Variants in CLIC5 observed in about 807,000 individuals in gnomAD.
CLIC5 encodes the protein chloride intracellular channel protein 5.
In CLIC5, 20 loss-of-function variants were observed where a neutral mutation model predicts 24.7. That is an observed-to-expected ratio of 0.81 (90% confidence interval 0.57 to 1.18). CLIC5 has a LOEUF of 1.18. CLIC5 is among the 50% of genes most tolerant of loss of function. The pLI is 0.00. For missense variants in CLIC5, 341 were observed against 326.1 expected (o/e 1.05, Z -0.35); for synonymous variants, 159 against 135.6 (o/e 1.17, Z -1.20).
At chr6:46,032,646 A>C (rs1767536767) in intron 1 of CLIC5, among the ~76,000 whole-genome samples, 1 of 152,124 alleles carries the variant, frequency 6.6e-6, no homozygotes, top group Non-Finnish European at 1.5e-5. Context: ...TGGGAAGTGA[A>C]TTTCCTCATC....
intron 1 of CLIC5, among the ~76,000 whole-genome samples, chr6:46,035,937 G>A (rs1044225961): frequency 6.6e-6 from 1 of 151,890 alleles, no homozygotes; most frequent in Non-Finnish European, 1.5e-5. Flanking sequence ...AGTAGAGATG[G>A]GGTTTCACCA....
intron 4 of CLIC5, among the ~76,000 whole-genome samples, chr6:45,922,645 G>T (rs1763308396): frequency 6.6e-6 from 1 of 152,058 alleles, no homozygotes; most frequent in South Asian, 2.1e-4. Flanking sequence ...ATGAAGGGAG[G>T]TAGGGACTCC....
chr6:46,025,646 C>G (rs549627479), intron 1 of CLIC5, among the ~76,000 whole-genome samples: 20 of 152,184 alleles, frequency 1.3e-4, no homozygotes, highest in African/African-American at 4.6e-4. Flanking sequence ...CTGAATCATT[C>G]AAAAAAGGAA....
At chr6:45,881,481 G>C (rs1375097905) in intron 6 of CLIC5, among the ~76,000 whole-genome samples, 2 of 152,104 alleles carry the variant, frequency 1.3e-5, no homozygotes, top group African/African-American at 4.8e-5. Context: ...GGTGATGAGT[G>C]GGGAGGGCCT....
At chr6:45,990,222 A>G (rs536802385) in intron 1 of CLIC5, among the ~76,000 whole-genome samples, 3 of 152,228 alleles carry the variant, frequency 2.0e-5, no homozygotes, top group African/African-American at 4.8e-5. Flanking sequence ...GACTTTTTGC[A>G]CTCATCTGAA....
intron 1 of CLIC5, among the ~76,000 whole-genome samples, chr6:46,076,819 G>A (rs528884794): frequency 7.9e-5 from 12 of 151,894 alleles, no homozygotes; most frequent in Non-Finnish European, 7.4e-5. Context: ...TTTATCAGTT[G>A]TCTCTCCCAC....
rs574516797 is a variant in CLIC5, at chr6:45,993,439, G to A, written c.63+22041C>T. On this transcript the variant is annotated intron_variant, in intron 1 of 5. Coordinates refer to ENST00000339561, the MANE Select transcript of CLIC5 (RefSeq NM_016929.5). ...CTCGAAATGCTTAGCTTTACAAAAAGAGTTGTAGGAAATGTGGAAGTAAAG... is the reference window on the plus strand; with the variant it reads ...CTCGAAATGCTTAGCTTTACAAAAAAAGTTGTAGGAAATGTGGAAGTAAAG... Among the ~76,000 whole-genome samples the A allele has an allele frequency of 3.3e-5, 5 of 152,292 alleles. No homozygotes were observed. In the East Asian group the frequency reaches 9.6e-4, roughly 29 times the overall value.
At chr6:46,036,801 A>G (rs1767675610) in intron 1 of CLIC5, among the ~76,000 whole-genome samples, 1 of 152,184 alleles carries the variant, frequency 6.6e-6, no homozygotes, top group Non-Finnish European at 1.5e-5. Context: ...CATACTTTAT[A>G]TGTTTTGTAG....
At chr6:46,089,493 G>T in the CLIC5 span, among the ~76,000 whole-genome samples, 1 of 152,128 alleles carries the variant, frequency 6.6e-6, no homozygotes, top group Non-Finnish European at 1.5e-5. Context: ...TCTCAGAAAT[G>T]TTAACTATCA....
intron 1 of CLIC5, among the ~76,000 whole-genome samples, chr6:46,044,078 C>T (rs574389903): frequency 1.3e-5 from 2 of 152,208 alleles, no homozygotes; most frequent in South Asian, 2.1e-4. Context: ...TATCTACCTG[C>T]GGAGCTGCCC....
At chr6:45,918,994 C>T (rs1276266447) in intron 4 of CLIC5, 42 of 985,340 alleles carry the variant, frequency 4.3e-5, no homozygotes, top group Non-Finnish European at 4.9e-5. Context: ...ATTCAAACTA[C>T]TCCTGGGACG....
At chr6:45,914,681 G>T in intron 4 of CLIC5, 1 of 415,112 alleles carries the variant, frequency 2.4e-6, no homozygotes, top group Non-Finnish European at 3.4e-6. Context: ...GTCTGGGTGT[G>T]GTGGCTCACA....
At chr6:46,080,918 A>G (rs1328004536), upstream of CLIC5, among the ~76,000 whole-genome samples, 1 of 152,218 alleles carries the variant, frequency 6.6e-6, no homozygotes, top group Non-Finnish European at 1.5e-5. Flanking sequence ...TTAGGGACTC[A>G]AAGACTTATG....
rs1767182864 is a variant in CLIC5, at chr6:46,021,508, T to C, written c.540+58195A>G. Among the ~76,000 whole-genome samples the C allele has an allele frequency of 2.0e-5, 3 of 152,288 alleles. No individual in the cohort carries two copies. In the South Asian group the frequency reaches 6.2e-4, roughly 32 times the overall value. ...TTTTTTACAAAAGTATTATTCATAA[T>C]TGCCCCAAACTGGAAACATCCCCAA... On this transcript the variant is annotated intron_variant, in intron 1 of 5. Coordinates refer to the CLIC5 transcript ENST00000185206.
chr6:45,947,888 G>A (rs1268371953), intron 3 of CLIC5, among the ~76,000 whole-genome samples: 1 of 152,198 alleles, frequency 6.6e-6, no homozygotes, highest in Admixed American at 6.5e-5. Flanking sequence ...CAATGGGCTT[G>A]AGGTGGCTTT....
chr6:46,088,881 A>G, the CLIC5 span, among the ~76,000 whole-genome samples: 3 of 152,174 alleles, frequency 2.0e-5, no homozygotes, highest in Non-Finnish European at 4.4e-5. Context: ...AAATAAGAAC[A>G]TCTTCTCTCA....
intron 3 of CLIC5, 113 bp from the exon 4 acceptor site, chr6:45,941,766 T>C: frequency 1.2e-6 from 1 of 841,098 alleles, no homozygotes; most frequent in Non-Finnish European, 2.0e-6. Flanking sequence ...ATCTACAAAA[T>C]GTTTTGGGGG....
rs112345010 is a variant in CLIC5, at chr6:45,964,237, C to T, written c.64-8993G>A. ...CTCAGCTTCACAGAATACTGTGGTA[C>T]AGTATTAAGGGCATTGTATAGACTC... On this transcript the variant is annotated intron_variant, in intron 1 of 5. Transcript: ENST00000339561. Among the ~76,000 whole-genome samples, 611 of 152,248 alleles carry T rather than the reference C, an allele frequency of 4.0e-3. 1 individual carries two copies. The highest frequency in any genetic ancestry group is 0.01 in the Middle Eastern group (3 of 294).
chr6:46,094,321 G>A, the CLIC5 span, among the ~76,000 whole-genome samples: 1 of 152,088 alleles, frequency 6.6e-6, no homozygotes, highest in Non-Finnish European at 1.5e-5. Context: ...CCTAACAATT[G>A]CCCAAAGTTT....
Sources: allele counts gnomAD v4.1 joint callset (sites outside exome capture counted in the v4.1 genomes callset), GRCh38; gene constraint gnomAD v4.1.1; transcripts MANE v1.5; gene names NCBI Gene and HGNC (gene_info 2026-07-23, HGNC 2026-07-21).